Variants in SLC25A48 observed in about 807,000 individuals in gnomAD.
SLC25A48 encodes solute carrier family 25 member 48.
A neutral mutation model predicts 32.2 loss-of-function variants in SLC25A48; 29 were observed. That is an observed-to-expected ratio of 0.90 (90% CI 0.67 to 1.23). SLC25A48 has a LOEUF of 1.23. Ranked by LOEUF, SLC25A48 falls within the 50% of genes most tolerant of loss-of-function variation. The pLI is 0.00. For missense variants in SLC25A48, 399 were observed against 422.7 expected, an observed-to-expected ratio of 0.94 and a Z score of 0.49; for synonymous variants, 164 against 172.3, an observed-to-expected ratio of 0.95 and a Z score of 0.38.
intron 3 of SLC25A48, among the ~76,000 whole-genome samples, chr5:135,700,468 T>C (rs538206281): frequency 6.6e-5 from 10 of 151,726 alleles, no homozygotes; most frequent in Non-Finnish European, 5.9e-5. Context: ...GAATGCCTGC[T>C]AAACATCAAA....
chr5:135,804,866 G>A (rs908580269), intron 3 of SLC25A48, among the ~76,000 whole-genome samples: 1 of 151,070 alleles, frequency 6.6e-6, no homozygotes, highest in Non-Finnish European at 1.5e-5. Context: ...GTGAGATATT[G>A]CTTTTAATGT....
In SLC25A48 at chr5:135,786,819, G is replaced by A. The variant is rs185937029; in HGVS notation, c.-520-25704G>A. ...GGATTTTATACCTAATGTCACAGTG[G>A]GTGTACACCATGTGTTTATGCCCTG... is the stretch of plus-strand genomic sequence containing the variant. On this transcript the variant is annotated intron_variant, in intron 3 of 10. Transcript: ENST00000646290. Among the ~76,000 whole-genome samples, 193 of 151,808 alleles carry A rather than the reference G, an allele frequency of 1.3e-3. 1 individual carries two copies. The highest frequency in any genetic ancestry group is 4.3e-3 in the African/African-American group (178 of 41,370).
At chr5:135,749,349 T>C (rs1755716712) in intron 3 of SLC25A48, among the ~76,000 whole-genome samples, 1 of 151,504 alleles carries the variant, frequency 6.6e-6, no homozygotes, top group Non-Finnish European at 1.5e-5. Context: ...TTTCTCCCAC[T>C]GTCCCCCTCC....
intron 4 of SLC25A48, among the ~76,000 whole-genome samples, chr5:135,823,687 G>A (rs866447358): frequency 7.9e-5 from 12 of 152,224 alleles, no homozygotes; most frequent in East Asian, 1.9e-4. Context: ...GCAGAGGAAC[G>A]GGTGCTCTGA....
intron 1 of SLC25A48, among the ~76,000 whole-genome samples, chr5:135,585,765 G>GATAATAATAATA (rs575237605): frequency 0.017 from 2,604 of 151,334 alleles, 73 homozygotes; most frequent in African/African-American, 0.053. Context: ...GTAAAAAGAA[G>GATAATAATAATA]ATAATAATAA....
rs113163178 is a variant in SLC25A48 at position 135,705,664 on chromosome 5, A to G, written c.-521+70708A>G. On this transcript the variant is annotated intron_variant, in intron 3 of 10. Coordinates refer to the SLC25A48 transcript ENST00000646290. ...ACCTGTATATAGTTGGCTGGAGTCA[A>G]CCTTATGGTTTGTTATATCTGGGCT... Among the ~76,000 whole-genome samples, 300 of 152,288 alleles carry G rather than the reference A, an allele frequency of 2.0e-3. 1 individual carries two copies. Among genetic ancestry groups the G allele is most frequent in the African/African-American group, 6.7e-3 (277 of 41,560 alleles).
intron 3 of SLC25A48, among the ~76,000 whole-genome samples, chr5:135,728,536 C>T (rs1422319582): frequency 6.6e-6 from 1 of 152,046 alleles, no homozygotes; most frequent in Non-Finnish European, 1.5e-5. Flanking sequence ...CTGTTGCATA[C>T]TTAAGGGTGT....
At chr5:135,800,211 G>T (rs932497762) in intron 3 of SLC25A48, among the ~76,000 whole-genome samples, 1 of 151,700 alleles carries the variant, frequency 6.6e-6, no homozygotes, top group African/African-American at 2.4e-5. Flanking sequence ...AATATCACTG[G>T]GAGAGTACAC....
intron 6 of SLC25A48, chr5:135,876,131 C>CTTTTTTTTTTTTTT (rs1182130199): frequency 2.5e-4 from 6 of 24,398 alleles, no homozygotes; most frequent in Admixed American, 7.8e-4. Context: ...TTTTCTTCTT[C>CTTTTTTTTTTTTTT]TTTTTTTTTT....
intron 3 of SLC25A48, among the ~76,000 whole-genome samples, chr5:135,795,694 C>T (rs1279836322): frequency 1.3e-5 from 2 of 151,192 alleles, no homozygotes; most frequent in East Asian, 2.0e-4. Context: ...ATATTACTCC[C>T]CATAACGCGG....
intron 3 of SLC25A48, among the ~76,000 whole-genome samples, chr5:135,670,041 T>A (rs1753619192): frequency 6.6e-6 from 1 of 152,342 alleles, no homozygotes; most frequent in African/African-American, 2.4e-5. Context: ...ATGATGTCCC[T>A]GCAATTTAGA....
At chr5:135,596,531 C>G (rs1751655234) in intron 1 of SLC25A48, among the ~76,000 whole-genome samples, 1 of 152,204 alleles carries the variant, frequency 6.6e-6, no homozygotes, top group African/African-American at 2.4e-5. Context: ...CTCTTCTCTT[C>G]ACTTCCATTG....
At chr5:135,774,332 T>A (rs1209259809) in intron 3 of SLC25A48, among the ~76,000 whole-genome samples, 1 of 151,704 alleles carries the variant, frequency 6.6e-6, no homozygotes, top group Non-Finnish European at 1.5e-5. Flanking sequence ...GAGGATAATA[T>A]TACTCCCAAT....
intron 3 of SLC25A48, among the ~76,000 whole-genome samples, chr5:135,762,746 A>G (rs1756094055): frequency 6.6e-6 from 1 of 152,108 alleles, no homozygotes. Context: ...GTGCATATGC[A>G]AATACAAATT....
chr5:135,659,570 G>C (rs1753339392), intron 3 of SLC25A48, among the ~76,000 whole-genome samples: 1 of 152,126 alleles, frequency 6.6e-6, no homozygotes, highest in South Asian at 2.1e-4. Flanking sequence ...ACATTTTCAG[G>C]TATCTTTATA....
At chr5:135,865,520 G>A (rs1335810962) in intron 4 of SLC25A48, among the ~76,000 whole-genome samples, 2 of 152,190 alleles carry the variant, frequency 1.3e-5, no homozygotes, top group African/African-American at 4.8e-5. Flanking sequence ...CTGACCCAAG[G>A]ATCAGTCAGG....
chr5:135,806,433 TA>T (rs1302982071), intron 3 of SLC25A48, among the ~76,000 whole-genome samples: 3 of 151,470 alleles, frequency 2.0e-5, no homozygotes, highest in African/African-American at 7.2e-5. Context: ...TATATTTTAT[TA>T]ATACCATAAT....
intron 3 of SLC25A48, among the ~76,000 whole-genome samples, chr5:135,683,888 C>T (rs1399220205): frequency 6.6e-6 from 1 of 152,050 alleles, no homozygotes; most frequent in Non-Finnish European, 1.5e-5. Flanking sequence ...TTGAAATGGA[C>T]AAGAAGTAGC....
chr5:135,795,217 G>A (rs1449797058), intron 3 of SLC25A48, among the ~76,000 whole-genome samples: 2 of 151,766 alleles, frequency 1.3e-5, no homozygotes, highest in South Asian at 2.1e-4. Flanking sequence ...TATTTCATGG[G>A]GGAGAGGAAG....
Sources: allele counts gnomAD v4.1 joint callset (sites outside exome capture counted in the v4.1 genomes callset), GRCh38; gene constraint gnomAD v4.1.1; transcripts MANE v1.5; gene names NCBI Gene and HGNC (gene_info 2026-07-23, HGNC 2026-07-21).